Variants in RGS6 observed in about 807,000 individuals in gnomAD.
RGS6 encodes regulator of G-protein signaling 6.
Under a neutral mutation model 78.5 loss-of-function variants are expected in RGS6, and 30 were observed. The ratio of observed to expected loss-of-function variants is 0.38; its 90% confidence interval spans 0.29 to 0.52. RGS6 has a LOEUF of 0.52. Ranked by LOEUF, RGS6 falls within the 20% of genes least tolerant of loss-of-function variation. The probability of loss-of-function intolerance (pLI) is 0.85; values close to 1 mark genes in which losing one functional copy is unlikely to be tolerated. For synonymous variants in RGS6, 206 were observed against 206.0 expected (o/e 1.00, Z 0.00); for missense variants, 495 against 609.7 (o/e 0.81, Z 1.98).
intron 2 of RGS6, among the ~76,000 whole-genome samples, chr14:72,153,641 A>G (rs1004754304): frequency 3.9e-5 from 6 of 152,200 alleles, no homozygotes; most frequent in Non-Finnish European, 7.3e-5. Flanking sequence ...GTGACATCAC[A>G]TATCGGTAGG....
intron 1 of RGS6, among the ~76,000 whole-genome samples, chr14:71,963,378 C>T (rs748722688): frequency 2.6e-5 from 4 of 152,162 alleles, no homozygotes; most frequent in Non-Finnish European, 5.9e-5. Context: ...AGGTGAAATT[C>T]ACATAACACA....
chr14:72,516,937 T>C (rs2096953037), intron 14 of RGS6: 2 of 151,986 alleles, frequency 1.3e-5, no homozygotes, highest in Admixed American at 6.6e-5. Context: ...ATCATCAGAA[T>C]CCTAAATGGC....
At chr14:72,506,049 AAG>A (rs1204935545) in intron 13 of RGS6, among the ~76,000 whole-genome samples, 2 of 152,192 alleles carry the variant, frequency 1.3e-5, no homozygotes, top group Non-Finnish European at 2.9e-5. Flanking sequence ...GAGGACAAAT[AAG>A]AGTTAGAAAA....
intron 12 of RGS6, among the ~76,000 whole-genome samples, chr14:72,492,064 G>A (rs372289114): frequency 1.4e-4 from 21 of 152,302 alleles, no homozygotes; most frequent in East Asian, 1.2e-3. Flanking sequence ...GAAGCTCTAC[G>A]CACTGAACTG....
In RGS6 at chr14:72,380,139, G is replaced by A. The variant is rs143594739; in HGVS notation, c.184+27945G>A. 1.2e-3 allele frequency among the ~76,000 whole-genome samples: 179 copies of A among 151,890 alleles called. 1 individual carries two copies. The highest frequency in any genetic ancestry group is 3.7e-3 in the African/African-American group (154 of 41,484). On this transcript the variant is annotated intron_variant, in intron 3 of 17. Coordinates refer to ENST00000553525, the MANE Select transcript of RGS6 (RefSeq NM_001204424.2). ...CATATACAGAAGAATGAAACTAGAC[G>A]CTCATCTCTCATCCTATACTAAAGC...
rs376944572 is a variant in RGS6 at position 72,402,738 on chromosome 14, A to G, written c.184+50544A>G. ...AATAGAACTACCATACAACCCAGCA[A>G]TCCTACTACTAGGTTTCTGTATTGT... On this transcript the variant is annotated intron_variant, in intron 3 of 17. Transcript: ENST00000553525. 1.5e-4 allele frequency among the ~76,000 whole-genome samples: 23 copies of G among 150,970 alleles called. No homozygotes were observed. The South Asian group carries it at 3.3e-3, about 22-fold the overall frequency.
intron 2 of RGS6, among the ~76,000 whole-genome samples, chr14:72,179,622 A>AT (rs1272318190): frequency 2.0e-5 from 3 of 151,780 alleles, no homozygotes; most frequent in Non-Finnish European, 2.9e-5. Context: ...TGCCAACACC[A>AT]TTTTTTTGTG....
At chr14:72,114,136 T>G (rs879489445) in intron 2 of RGS6, among the ~76,000 whole-genome samples, 2 of 152,182 alleles carry the variant, frequency 1.3e-5, no homozygotes, top group East Asian at 3.9e-4. Flanking sequence ...ACAGCTTTAC[T>G]CAGGTAGGGT....
chr14:72,337,125 C>T (rs1277512709), intron 2 of RGS6, among the ~76,000 whole-genome samples: 1 of 151,962 alleles, frequency 6.6e-6, no homozygotes, highest in Non-Finnish European at 1.5e-5. Flanking sequence ...GGAATATCAC[C>T]CATCAGGCAA....
intron 2 of RGS6, among the ~76,000 whole-genome samples, chr14:72,000,415 G>A (rs929807904): frequency 2.0e-5 from 3 of 152,144 alleles, no homozygotes; most frequent in Non-Finnish European, 4.4e-5. Flanking sequence ...CCCCATCTTG[G>A]ATATGAGGTG....
At chr14:72,254,174 T>A (rs1485630160) in intron 2 of RGS6, among the ~76,000 whole-genome samples, 1 of 152,230 alleles carries the variant, frequency 6.6e-6, no homozygotes, top group Non-Finnish European at 1.5e-5. Context: ...GAAATAATTT[T>A]TTAGTTCATT....
chr14:72,097,876 T>C (rs2095441853), intron 2 of RGS6, among the ~76,000 whole-genome samples: 1 of 152,168 alleles, frequency 6.6e-6, no homozygotes, highest in Non-Finnish European at 1.5e-5. Context: ...CTTAGCCTGA[T>C]ATCATCAGCC....
chr14:72,105,442 T>G (rs987773608), intron 2 of RGS6, among the ~76,000 whole-genome samples: 1 of 152,258 alleles, frequency 6.6e-6, no homozygotes. Flanking sequence ...TACAGACATT[T>G]GTGGAATTGA....
the RGS6 span, among the ~76,000 whole-genome samples, chr14:72,589,743 C>T: frequency 6.6e-6 from 1 of 151,880 alleles, no homozygotes; most frequent in Non-Finnish European, 1.5e-5. Flanking sequence ...CATTAATGTC[C>T]AAAAAAGATA....
intron 2 of RGS6, among the ~76,000 whole-genome samples, chr14:72,190,290 A>T (rs1446907290): frequency 1.3e-5 from 2 of 152,228 alleles, no homozygotes; most frequent in African/African-American, 4.8e-5. Flanking sequence ...CACTCTGCAG[A>T]CAATTTCAGC....
chr14:72,062,921 G>T (rs1026541012), intron 2 of RGS6, among the ~76,000 whole-genome samples: 1 of 152,146 alleles, frequency 6.6e-6, no homozygotes, highest in African/African-American at 2.4e-5. Context: ...CTGCCACCCA[G>T]GTTCAAGCAT....
chr14:72,381,816 A>T (rs1022703497), intron 3 of RGS6, among the ~76,000 whole-genome samples: 1 of 152,124 alleles, frequency 6.6e-6, no homozygotes, highest in Non-Finnish European at 1.5e-5. Context: ...AATATCCACT[A>T]TGAGGAGTTA....
At chr14:72,410,767 A>T (rs910174642) in intron 3 of RGS6, among the ~76,000 whole-genome samples, 1 of 152,248 alleles carries the variant, frequency 6.6e-6, no homozygotes. Flanking sequence ...GGAGGGATCC[A>T]GTTTCAGCTT....
intron 17 of RGS6, chr14:72,547,453 G>C: frequency 1.2e-6 from 1 of 814,512 alleles, no homozygotes; most frequent in South Asian, 1.6e-5. Flanking sequence ...TTTTAAAATA[G>C]TGATGAGTGT....
Sources: gnomAD v4.1 joint callset for allele counts (sites outside exome capture counted in the v4.1 genomes callset) on GRCh38, gnomAD v4.1.1 for gene constraint, MANE v1.5 for transcripts, NCBI Gene and HGNC (gene_info 2026-07-23, HGNC 2026-07-21) for gene names.